PARP2: variants seen among roughly 807,000 people sequenced by gnomAD.
PARP2 encodes poly [ADP-ribose] polymerase 2.
A neutral mutation model predicts 77.8 loss-of-function variants in PARP2; 57 were observed. The ratio of observed to expected loss-of-function variants is 0.73; its 90% CI spans 0.59 to 0.91. The LOEUF (loss-of-function observed/expected upper bound fraction) is 0.91, where lower values mean the gene tolerates loss of function less well. Among genes scored for constraint, PARP2 ranks in the 40% least tolerant of loss-of-function variants. The probability of loss-of-function intolerance (pLI) is 0.00; values close to 1 mark genes in which losing one functional copy is unlikely to be tolerated. For synonymous variants in PARP2, 226 were observed against 242.6 expected, an observed-to-expected ratio of 0.93 and a Z score of 0.64; for missense variants, 651 against 689.0, an observed-to-expected ratio of 0.94 and a Z score of 0.62.
chr14:20,344,444 T>C lies in PARP2; in HGVS notation c.47-488T>C, dbSNP rs3093884. The C allele has an allele frequency of 4.4e-3, 678 of 154,244 alleles. 10 individuals are homozygous for C. The highest frequency in any genetic ancestry group is 0.015 in the African/African-American group (640 of 41,580). The allele number at this position is 154,244 out of a possible 1,614,324, so 9.6% of individuals were successfully genotyped here. A position where few individuals can be genotyped will look rare whatever the true frequency, so the allele number is the denominator to read the frequency against. The stretch of plus-strand genomic sequence containing the variant: ...TTTGTTTTATTTCATTTGGCTAGAA[T>C]AGCAATTTAGGAAGAATTACACAGA... On this transcript the variant is annotated intron_variant, in intron 1 of 15. Transcript: ENST00000429687.
rs1318843844 is a variant in PARP2 at position 20,357,405 on chromosome 14, G to C, written c.1438G>C (p.Gly480Arg). Residue 480 changes from glycine (G) to arginine (R), a missense_variant, in exon 15 of 16, where the codon GGT becomes CGT. Coordinates refer to ENST00000429687, the MANE Select transcript of PARP2 (RefSeq NM_001042618.2). ...GLLLLSEVAL[G>R]QCNELLEANP... The stretch of plus-strand genomic sequence containing the variant: ...GTTTTTTGCTTTGCAGGTAGCTCTA[G>C]GTCAGTGTAATGAACTACTAGAGGC... 2 of 1,609,374 alleles carry C rather than the reference G, an allele frequency of 1.2e-6. No individual in the cohort carries two copies. The highest frequency in any genetic ancestry group is 1.7e-6 in the Non-Finnish European group (2 of 1,178,476).
chr14:20,347,352 GTGTGTATATATATATA>G (rs1566418182), intron 4 of PARP2, among the ~76,000 whole-genome samples: 971 of 51,764 alleles, frequency 0.019, 83 homozygotes, highest in African/African-American at 0.078. Context: ...TCATATGTGT[GTGTGTATATATATATA>G]TATATATATA....
rs1444241687 is a variant in PARP2, at chr14:20,343,685, G to A, written c.44G>A (p.Arg15Lys). The A allele has an allele frequency of 1.2e-6, 2 of 1,609,618 alleles. No individual in the cohort carries two copies. Among genetic ancestry groups the A allele is most frequent in the Middle Eastern group, 1.7e-4 (1 of 6,032 alleles). ...RRRSTGGGRA[R>K]ALNESKRVNN... Reference sequence around the variant, plus strand: ...CGGAGCACCGGCGGCGGCAGGGCGAGAGGTTCGGAGCTCAATATCGCGGGA... The same window carrying A: ...CGGAGCACCGGCGGCGGCAGGGCGAAAGGTTCGGAGCTCAATATCGCGGGA... Residue 15 changes from arginine (R) to lysine (K), a missense_variant and splice_region_variant, in exon 1 of 16, where the codon AGA becomes AAA. Coordinates refer to ENST00000429687, the MANE Select transcript of PARP2 (RefSeq NM_001042618.2).
At chr14:20,356,169 C>T in intron 11 of PARP2, 138 bp downstream of exon 11, 3 of 1,404,030 alleles carry the variant, frequency 2.1e-6, no homozygotes, top group Admixed American at 4.2e-5. Flanking sequence ...TTTGGGAAGG[C>T]CAAGCTTTTC....
rs1360541508 is a variant in PARP2, at chr14:20,357,892, CTG to C, written c.*97_*98del. ...TTTGTGATATTTTATGTAATAAAAA[CTG>C]TACAGGTCTACCACTGGCTTCTTCG... On this transcript the variant is annotated 3_prime_UTR_variant, in exon 16 of 16. Coordinates refer to ENST00000429687, the MANE Select transcript of PARP2 (RefSeq NM_001042618.2). 9.1e-7 allele frequency: 1 copy of C among 1,101,158 alleles called. No homozygotes were observed. Among genetic ancestry groups the C allele is most frequent in the East Asian group, 2.5e-5 (1 of 40,758 alleles). 68.2% of individuals were successfully genotyped at this position (1,101,158 alleles called of 1,614,324 possible). A position where few individuals can be genotyped will look rare whatever the true frequency, so the allele number is the denominator to read the frequency against.
rs1396135790 is a variant in PARP2 at position 20,355,801 on chromosome 14, A to G, written c.952A>G (p.Ile318Val). The change falls in exon 10 of 16, where the codon ATA becomes GTA. Residue 318 changes from isoleucine (I) to valine (V), a missense_variant. Physicochemically the swap from Ile to Val is conservative, Grantham distance 29. Coordinates refer to ENST00000429687, the MANE Select transcript of PARP2 (RefSeq NM_001042618.2). ...GACACAGAAGGAACTGTCAGAAAAAATACAATTACTAGAGGTGAGATATGT... is the reference window on the plus strand; with the variant it reads ...GACACAGAAGGAACTGTCAGAAAAAGTACAATTACTAGAGGTGAGATATGT... ...IRTQKELSEKIQLLEALGDIE... is the reference protein window; with the variant it reads ...IRTQKELSEKVQLLEALGDIE... 2 of 1,613,772 alleles carry G rather than the reference A, an allele frequency of 1.2e-6. No individual in the cohort carries two copies. The highest frequency in any genetic ancestry group is 1.7e-5 in the Admixed American group (1 of 59,998).
chr14:20,344,897 T>A (rs767459673), intron 1 of PARP2, 35 bp from the exon 2 acceptor site: 107 of 1,259,434 alleles, frequency 8.5e-5, no homozygotes, highest in Non-Finnish European at 1.7e-5. Context: ...TATTCGGGTG[T>A]GTACTCATTC....
rs781774959 is a variant in PARP2 at position 20,357,535 on chromosome 14, C to T, written c.1553+15C>T. The T allele has an allele frequency of 1.9e-6, 3 of 1,605,384 alleles. No individual in the cohort carries two copies. Among genetic ancestry groups the T allele is most frequent in the Non-Finnish European group, 8.5e-7 (1 of 1,176,722 alleles). ...TTCGTCACCCTGTAAGTACTCAGAA[C>T]CAGGAGGACTAGAAGACTCCTTTTG... On this transcript the variant is annotated intron_variant, in intron 15 of 15. Transcript: ENST00000429687.
chr14:20,357,903 TACCACTGGC>T (rs1201342916), exon 16 of PARP2: 2 of 942,232 alleles, frequency 2.1e-6, no homozygotes, highest in Admixed American at 5.4e-5. Context: ...TGTACAGGTC[TACCACTGGC>T]TTCTTCGGGC....
At chr14:20,343,771 CT>C in intron 1 of PARP2, 84 bp downstream of exon 1, 1 of 1,422,378 alleles carries the variant, frequency 7.0e-7, no homozygotes, top group South Asian at 1.2e-5. Flanking sequence ...CCCCCTTCCC[CT>C]TCCAGCTCCC....
chr14:20,344,605 G>T (rs1012895015), intron 1 of PARP2, among the ~76,000 whole-genome samples: 2 of 152,184 alleles, frequency 1.3e-5, no homozygotes, highest in Non-Finnish European at 2.9e-5. Context: ...TTGAGGTCAC[G>T]AGTTCGAGAC....
At chr14:20,356,114 C>T in intron 11 of PARP2, 83 bp downstream of exon 11, 1 of 1,517,348 alleles carries the variant, frequency 6.6e-7, no homozygotes, top group East Asian at 2.3e-5. Context: ...TACTTCTTGT[C>T]AAGAGCAAAT....
rs1285790450 is a variant in PARP2, at chr14:20,349,605, C to T, written c.325-921C>T. Among the ~76,000 whole-genome samples, 4 of 151,832 alleles carry T rather than the reference C, an allele frequency of 2.6e-5. No individual in the cohort carries two copies. In the East Asian group the frequency reaches 7.8e-4, roughly 30 times the overall value. On this transcript the variant is annotated intron_variant, in intron 4 of 15. Transcript: ENST00000429687. ...CAAGAAATTGCTTGAACCTAGGACA[C>T]AGAGGTGGCAATGAGCGGAGGTTGC...
In PARP2 at chr14:20,347,382, A is replaced by G. The variant is rs1566418385; in HGVS notation, c.324+469A>G. 3.5e-3 allele frequency among the ~76,000 whole-genome samples: 51 copies of G among 14,460 alleles called. 2 individuals are homozygous for G. The highest frequency in any genetic ancestry group is 6.5e-3 in the South Asian group (1 of 154). 9.5% of individuals were successfully genotyped at this position (14,460 alleles called of 152,430 possible). A position where few individuals can be genotyped will look rare whatever the true frequency, so the allele number is the denominator to read the frequency against. On this transcript the variant is annotated intron_variant, in intron 4 of 15. Coordinates refer to ENST00000429687, the MANE Select transcript of PARP2 (RefSeq NM_001042618.2). ...TATATATATATATATATATATATATATATATATATATATATATTTTTTTTT... is the reference window on the plus strand; with the variant it reads ...TATATATATATATATATATATATATGTATATATATATATATATTTTTTTTT...
At position 20,343,699 on chromosome 14, in the gene PARP2, AATATCGCGGG is replaced by A; in HGVS notation, c.46+14_46+23del. On this transcript the variant is annotated intron_variant, in intron 1 of 15. Coordinates refer to ENST00000429687, the MANE Select transcript of PARP2 (RefSeq NM_001042618.2). Reference sequence around the variant, plus strand: ...CGGCAGGGCGAGAGGTTCGGAGCTCAATATCGCGGGACGGCATGCGGGGGGCGGGCAGTCA... The same window carrying A: ...CGGCAGGGCGAGAGGTTCGGAGCTCAACGGCATGCGGGGGGCGGGCAGTCA... The A allele has an allele frequency of 2.5e-6, 4 of 1,608,708 alleles. No homozygotes were observed. Among genetic ancestry groups the A allele is most frequent in the Non-Finnish European group, 3.4e-6 (4 of 1,178,150 alleles).
In PARP2 at chr14:20,354,813, G is replaced by C. The variant is rs902186193; in HGVS notation, c.768G>C (p.Lys256Asn). 3 of 1,612,146 alleles carry C rather than the reference G, an allele frequency of 1.9e-6. No individual in the cohort carries two copies. Among genetic ancestry groups the C allele is most frequent in the Admixed American group, 3.4e-5 (2 of 59,678 alleles). Residue 256 changes from lysine to asparagine, a missense_variant, in exon 9 of 16, where the codon AAG (lysine) becomes AAC (asparagine). Coordinates refer to ENST00000429687, the MANE Select transcript of PARP2 (RefSeq NM_001042618.2). ...GATCTCTGGGTGGGCCTGCAGGGAA[G>C]CTGACAGTGGCACAAATCAAGGCAG... ...KYNTKKAPLG[K>N]LTVAQIKAGY...
At chr14:20,346,321 CTTTT>C (rs71108595) in intron 3 of PARP2, among the ~76,000 whole-genome samples, 5 of 90,856 alleles carry the variant, frequency 5.5e-5, no homozygotes, top group Non-Finnish European at 6.0e-5. Flanking sequence ...CAGTTAGAAT[CTTTT>C]TTTTTTTTTT....
intron 14 of PARP2, 73 bp downstream of exon 14, chr14:20,357,222 C>A: frequency 7.3e-7 from 1 of 1,370,344 alleles, no homozygotes; most frequent in Non-Finnish European, 1.0e-6. Flanking sequence ...AGTTTGACCC[C>A]AGAACCAAGA....
chr14:20,344,891 CG>C, intron 1 of PARP2, 40 bp from the exon 2 acceptor site: 1 of 1,155,024 alleles, frequency 8.7e-7, no homozygotes. Context: ...TACACGTATT[CG>C]GGTGTGTACT....
Sources: gnomAD v4.1 joint callset for allele counts (sites outside exome capture counted in the v4.1 genomes callset) on GRCh38, gnomAD v4.1.1 for gene constraint, MANE v1.5 for transcripts, NCBI Gene and HGNC (gene_info 2026-07-23, HGNC 2026-07-21) for gene names.